The following BICD2 variants were observed in gnomAD, a reference collection of about 807,000 sequenced individuals.
BICD2 encodes the protein BICD cargo adaptor 2.
In BICD2, 25 loss-of-function variants were observed where a neutral mutation model predicts 72.9. The ratio of observed to expected loss-of-function variants is 0.34; its 90% confidence interval spans 0.25 to 0.48. BICD2 has a LOEUF of 0.48. Among genes scored for constraint, BICD2 ranks in the 20% least tolerant of loss-of-function variants. BICD2 has a pLI of 0.99. For missense variants in BICD2, 894 were observed against 1,175.2 expected (o/e 0.76, Z 3.50); for synonymous variants, 501 against 516.1 (o/e 0.97, Z 0.40).
In BICD2 at chr9:92,714,232, G is replaced by A. The variant is rs1256121374; in HGVS notation, c.*922C>T. 2.0e-6 allele frequency: 2 copies of A among 985,388 alleles called. No individual in the cohort carries two copies. Among genetic ancestry groups the A allele is most frequent in the South Asian group, 4.7e-5 (1 of 21,294 alleles). 61.0% of individuals were successfully genotyped at this position (985,388 alleles called of 1,614,324 possible). A position where few individuals can be genotyped will look rare whatever the true frequency, so the allele number is the denominator to read the frequency against. ...GGTGTCCAACCCAGCCAAGCCCTTG[G>A]TGGCTCAGACTTCAGGCTAGGGTTT... is the stretch of plus-strand genomic sequence containing the variant. On this transcript the variant is annotated 3_prime_UTR_variant, in exon 7 of 7. Transcript: ENST00000356884.
At chr9:92,737,792 C>T (rs1054017953) in intron 1 of BICD2, among the ~76,000 whole-genome samples, 2 of 152,210 alleles carry the variant, frequency 1.3e-5, no homozygotes, top group African/African-American at 4.8e-5. Context: ...GGCTGAAACC[C>T]TGACCTGTGC....
rs75204748 is a variant in BICD2 at position 92,711,848 on chromosome 9, A to C, written c.*3306T>G. On this transcript the variant is annotated 3_prime_UTR_variant, in exon 7 of 7. Coordinates refer to ENST00000356884, the MANE Select transcript of BICD2 (RefSeq NM_001003800.2). ...TATTTTTGTCATTTATATTATTATA[A>C]TTTTTCCTTTTTTGGAGAAGGAAGG... 52 of 152,512 alleles carry C rather than the reference A, an allele frequency of 3.4e-4. No homozygotes were observed. Among genetic ancestry groups the C allele is most frequent in the African/African-American group, 1.1e-3 (46 of 41,518 alleles). 9.4% of individuals were successfully genotyped at this position (152,512 alleles called of 1,614,324 possible).
At chr9:92,737,631 AACAGGTT>A (rs547008468) in intron 1 of BICD2, among the ~76,000 whole-genome samples, 144 of 152,296 alleles carry the variant, frequency 9.5e-4, no homozygotes, top group Middle Eastern at 3.4e-3. Flanking sequence ...TACGACCAAC[AACAGGTT>A]ACAGTTACCT....
chr9:92,714,772 C>G lies in BICD2; in HGVS notation c.*382G>C. 1.9e-6 allele frequency: 2 copies of G among 1,026,942 alleles called. No individual in the cohort carries two copies. The highest frequency in any genetic ancestry group is 2.3e-6 in the Non-Finnish European group (2 of 857,732). 63.6% of individuals were successfully genotyped at this position (1,026,942 alleles called of 1,614,324 possible). A position where few individuals can be genotyped will look rare whatever the true frequency, so the allele number is the denominator to read the frequency against. On this transcript the variant is annotated 3_prime_UTR_variant, in exon 7 of 7. Coordinates refer to ENST00000356884, the MANE Select transcript of BICD2 (RefSeq NM_001003800.2). The stretch of plus-strand genomic sequence containing the variant: ...AGACACATGCGAGGAACATGCAAGT[C>G]TCAACTCAGGTTCTGCCCCTTTTGG...
intron 1 of BICD2, among the ~76,000 whole-genome samples, chr9:92,757,339 A>T (rs75020948): frequency 7.2e-6 from 1 of 139,062 alleles, no homozygotes; most frequent in Non-Finnish European, 1.6e-5. Context: ...AAAAAAAAAA[A>T]TTGAGAAGGC....
chr9:92,739,726 C>A (rs146562745), intron 1 of BICD2, among the ~76,000 whole-genome samples: 7 of 152,182 alleles, frequency 4.6e-5, no homozygotes, highest in East Asian at 1.9e-4. Context: ...GACTTGCCCC[C>A]CCAAAACTGC....
Position 92,714,853 on chromosome 9 carries a change from G to A in BICD2, c.*301C>T, listed in dbSNP as rs1208715985. On this transcript the variant is annotated 3_prime_UTR_variant, in exon 7 of 7. Transcript: ENST00000356884. ...CTTGGGTTTCCCCACGGGTGCGCAGGGCTTAGAAGATGCTTTCATCACACA... is the reference window on the plus strand; with the variant it reads ...CTTGGGTTTCCCCACGGGTGCGCAGAGCTTAGAAGATGCTTTCATCACACA... 17 of 1,156,724 alleles carry A rather than the reference G, an allele frequency of 1.5e-5. No individual in the cohort carries two copies. The highest frequency in any genetic ancestry group is 1.8e-5 in the Non-Finnish European group (17 of 937,504). The allele number at this position is 1,156,724 out of a possible 1,614,324, so 71.7% of individuals were successfully genotyped here. A position where few individuals can be genotyped will look rare whatever the true frequency, so the allele number is the denominator to read the frequency against.
chr9:92,746,924 C>G (rs940269765), intron 1 of BICD2, among the ~76,000 whole-genome samples: 1 of 152,170 alleles, frequency 6.6e-6, no homozygotes, highest in Non-Finnish European at 1.5e-5. Context: ...AAAATGAGAG[C>G]TGCACAAAAC....
chr9:92,764,456 C>T lies in BICD2; in HGVS notation c.240+49G>A, dbSNP rs1243709947. On this transcript the variant is annotated intron_variant, in intron 1 of 6. Transcript: ENST00000356884. The surrounding 1 kb of genome is among the most constrained non-coding windows in gnomAD (Gnocchi z 5.5). ...GCCCTGGTGCCAGGGACGACGCCCA[C>T]AGGCCCCGGCGCCGGGCGGGGGTCG... 2.8e-6 allele frequency: 4 copies of T among 1,439,686 alleles called. No homozygotes were observed. The highest frequency in any genetic ancestry group is 3.7e-6 in the Non-Finnish European group (4 of 1,090,440). 89.2% of individuals were successfully genotyped at this position (1,439,686 alleles called of 1,614,324 possible).
chr9:92,744,898 G>C (rs927619738), intron 1 of BICD2, among the ~76,000 whole-genome samples: 6 of 152,082 alleles, frequency 3.9e-5, no homozygotes. Flanking sequence ...CCCAAGGGAT[G>C]ACATATTTGC....
chr9:92,713,792 G>T lies in BICD2; in HGVS notation c.*1362C>A. 1 of 1,190,382 alleles carries T rather than the reference G, an allele frequency of 8.4e-7. No homozygotes were observed. The highest frequency in any genetic ancestry group is 1.1e-6 in the Non-Finnish European group (1 of 951,008). The allele number at this position is 1,190,382 out of a possible 1,614,324, so 73.7% of individuals were successfully genotyped here. A position where few individuals can be genotyped will look rare whatever the true frequency, so the allele number is the denominator to read the frequency against. On this transcript the variant is annotated 3_prime_UTR_variant, in exon 7 of 7. Coordinates refer to ENST00000356884, the MANE Select transcript of BICD2 (RefSeq NM_001003800.2). ...GGGACATACATGGGCGTGTCCTGGA[G>T]TCTGGAGGGGACCGAAACATACTCG...
intron 1 of BICD2, among the ~76,000 whole-genome samples, chr9:92,763,364 A>G (rs1564076046): frequency 1.3e-5 from 2 of 152,164 alleles, no homozygotes; most frequent in Non-Finnish European, 2.9e-5. Flanking sequence ...GGACACACTC[A>G]AGTGGGGGAA....
Position 92,729,207 on chromosome 9 carries a change from C to T in BICD2, c.270G>A (p.Lys90=). ...EAFGQAHTNH[K]KVAADGESRE... The stretch of plus-strand genomic sequence containing the variant: ...GGCTCTCTCCGTCAGCAGCCACCTT[C>T]TTGTGGTTTGTGTGTGCTTGTCCAA... Residue 90 remains lysine, a synonymous_variant, in exon 2 of 7, where the codon AAG becomes AAA. Transcript: ENST00000356884. The T allele has an allele frequency of 6.2e-7, 1 of 1,614,204 alleles. No individual in the cohort carries two copies. Among genetic ancestry groups the T allele is most frequent in the South Asian group, 1.1e-5 (1 of 91,092 alleles).
chr9:92,713,515 T>C lies in BICD2; in HGVS notation c.*1639A>G. On this transcript the variant is annotated 3_prime_UTR_variant, in exon 7 of 7. Coordinates refer to ENST00000356884, the MANE Select transcript of BICD2 (RefSeq NM_001003800.2). ...AAAGCGGTCATCTGTCGCTTCCTGT[T>C]TATCTGACAATTGAAGCTCTCCACG... 1 of 1,567,780 alleles carries C rather than the reference T, an allele frequency of 6.4e-7. No individual in the cohort carries two copies. Among genetic ancestry groups the C allele is most frequent in the South Asian group, 1.2e-5 (1 of 85,574 alleles).
intron 1 of BICD2, among the ~76,000 whole-genome samples, chr9:92,749,341 G>C (rs898213707): frequency 2.6e-5 from 4 of 152,212 alleles, no homozygotes; most frequent in Non-Finnish European, 5.9e-5. Flanking sequence ...AGGGGCACTG[G>C]CCCACCCTTC....
At chr9:92,715,489 G>A in intron 6 of BICD2, 26 bp from the exon 7 acceptor site, 1 of 1,557,422 alleles carries the variant, frequency 6.4e-7, no homozygotes, top group Non-Finnish European at 8.7e-7. Flanking sequence ...ACATGACTGA[G>A]GGGCGGGCAG....
In BICD2 at chr9:92,719,389, T is replaced by C. The variant is rs1482387388; in HGVS notation, c.1256A>G (p.His419Arg). ...ALDNEKDRDS[H>R]EDGDYYEVDI... ...CACCTCGTAGTAGTCCCCATCCTCA[T>C]GGCTGTCACGGTCCTTCTCGTTGTC... The change falls in exon 5 of 7, where the codon CAT becomes CGT. Residue 419 changes from histidine to arginine, a missense_variant. Physicochemically the swap from His to Arg is conservative, Grantham distance 29 (BLOSUM62 0). Around this residue, in one of 5 missense-constraint regions of BICD2, gnomAD observed 371 missense variants for 439.1 expected, o/e 0.84. Transcript: ENST00000356884. 1 of 1,614,066 alleles carries C rather than the reference T, an allele frequency of 6.2e-7. No homozygotes were observed. The highest frequency in any genetic ancestry group is 8.5e-7 in the Non-Finnish European group (1 of 1,180,032).
intron 6 of BICD2, among the ~76,000 whole-genome samples, chr9:92,717,236 C>A (rs1304118186): frequency 6.6e-6 from 1 of 152,238 alleles, no homozygotes; most frequent in Non-Finnish European, 1.5e-5. Flanking sequence ...GCCCAAGCAT[C>A]CCCTGAAGCT....
intron 1 of BICD2, among the ~76,000 whole-genome samples, chr9:92,758,415 G>A (rs144013544): frequency 0.014 from 2,034 of 149,402 alleles, 25 homozygotes; most frequent in Non-Finnish European, 0.022. Flanking sequence ...AGCCAGGTGT[G>A]GTGGCGCGCA....
Sources: allele counts gnomAD v4.1 joint callset (sites outside exome capture counted in the v4.1 genomes callset), GRCh38; gene constraint gnomAD v4.1.1; regional missense constraint gnomAD v4.1.1; non-coding constraint Gnocchi (gnomAD v3.1); transcripts MANE v1.5; gene names NCBI Gene and HGNC (gene_info 2026-07-23, HGNC 2026-07-21).